Variants in XIRP2 observed in about 807,000 individuals in gnomAD.
XIRP2 encodes the protein xin actin binding repeat containing 2.
A neutral mutation model predicts 277.0 loss-of-function variants in XIRP2; 236 were observed. The ratio of observed to expected loss-of-function variants is 0.85; its 90% CI spans 0.77 to 0.95. The LOEUF (loss-of-function observed/expected upper bound fraction) is 0.95. XIRP2 is among the 40% of genes least tolerant of loss of function. The pLI is 0.00. For missense variants in XIRP2, 4,640 were observed against 4,157.5 expected, an observed-to-expected ratio of 1.12 and a Z score of -3.19; for synonymous variants, 1,490 against 1,416.5, an observed-to-expected ratio of 1.05 and a Z score of -1.17.
intron 3 of XIRP2, among the ~76,000 whole-genome samples, chr2:167,160,175 T>A (rs1022875897): frequency 2.6e-5 from 4 of 152,102 alleles, no homozygotes; most frequent in East Asian, 1.9e-4. Flanking sequence ...TAAAAAAAAA[T>A]TTTAATGAGC....
intron 2 of XIRP2, among the ~76,000 whole-genome samples, chr2:167,004,640 G>A (rs191098921): frequency 2.6e-5 from 4 of 151,902 alleles, no homozygotes; most frequent in East Asian, 1.9e-4. Context: ...TTAGAGGACC[G>A]GAAGCTATTT....
chr2:167,166,441 C>A (rs1692522154), intron 3 of XIRP2, among the ~76,000 whole-genome samples: 2 of 152,178 alleles, frequency 1.3e-5, no homozygotes, highest in African/African-American at 4.8e-5. Context: ...GCTATTTTTG[C>A]ATAAAGTAGT....
intron 2 of XIRP2, among the ~76,000 whole-genome samples, chr2:167,130,514 C>A (rs1323024313): frequency 2.0e-5 from 3 of 152,110 alleles, no homozygotes; most frequent in Non-Finnish European, 4.4e-5. Flanking sequence ...CTACTCCCTA[C>A]AAACTAAAGC....
chr2:167,253,476 C>A (rs1279324601), intron 9 of XIRP2, among the ~76,000 whole-genome samples: 2 of 151,832 alleles, frequency 1.3e-5, no homozygotes, highest in African/African-American at 4.8e-5. Context: ...TGGTATCTTA[C>A]AGTCAACTCT....
At chr2:167,029,720 T>C (rs1424492190) in intron 2 of XIRP2, among the ~76,000 whole-genome samples, 2 of 152,154 alleles carry the variant, frequency 1.3e-5, no homozygotes, top group African/African-American at 4.8e-5. Context: ...GCTGGCCTCA[T>C]AAAATGAGTT....
intron 2 of XIRP2, among the ~76,000 whole-genome samples, chr2:166,917,539 A>G (rs956431003): frequency 2.6e-5 from 4 of 152,260 alleles, no homozygotes; most frequent in East Asian, 1.9e-4. Flanking sequence ...ACATATTTGC[A>G]TGGCCTTTAA....
chr2:167,065,113 C>A (rs1689269751), intron 2 of XIRP2, among the ~76,000 whole-genome samples: 2 of 152,076 alleles, frequency 1.3e-5, no homozygotes, highest in Admixed American at 1.3e-4. Context: ...TTCTACACTT[C>A]TACCAACACT....
chr2:167,005,334 A>G (rs746406003), intron 2 of XIRP2, among the ~76,000 whole-genome samples: 1 of 151,870 alleles, frequency 6.6e-6, no homozygotes, highest in Non-Finnish European at 1.5e-5. Flanking sequence ...TTTGTTTGCC[A>G]ATGAAGTCAC....
intron 5 of XIRP2, among the ~76,000 whole-genome samples, chr2:167,233,354 T>TA (rs780031897): frequency 1.3e-4 from 20 of 151,950 alleles, no homozygotes; most frequent in Non-Finnish European, 2.2e-4. Context: ...TGAAGCAACT[T>TA]AAACAGGAGA....
intron 2 of XIRP2, among the ~76,000 whole-genome samples, chr2:167,074,072 T>C (rs1689502074): frequency 6.6e-6 from 1 of 152,138 alleles, no homozygotes; most frequent in African/African-American, 2.4e-5. Context: ...TTAAGTAGTA[T>C]GGGAGAAAAA....
intron 2 of XIRP2, among the ~76,000 whole-genome samples, chr2:167,006,056 G>A (rs972041022): frequency 6.6e-5 from 10 of 151,618 alleles, no homozygotes; most frequent in African/African-American, 1.5e-4. Flanking sequence ...AAATTCATGC[G>A]GCTAGGTACT....
intron 5 of XIRP2, among the ~76,000 whole-genome samples, chr2:167,235,343 C>G (rs1037530787): frequency 1.3e-5 from 2 of 151,480 alleles, no homozygotes; most frequent in Non-Finnish European, 3.0e-5. Context: ...GATGACCAAC[C>G]AAAATGACAA....
At position 167,009,322 on chromosome 2, in the gene XIRP2, T is replaced by C. The variant is rs185646761; in HGVS notation, c.408+105432T>C. ...AGTGAGAATATGTGGTGTTTGGTTTTTTGTTCTTGGCGATATTTTGCTGAG... is the reference window on the plus strand; with the variant it reads ...AGTGAGAATATGTGGTGTTTGGTTTCTTGTTCTTGGCGATATTTTGCTGAG... On this transcript the variant is annotated intron_variant, in intron 2 of 10. Transcript: ENST00000409195. Among the ~76,000 whole-genome samples the C allele has an allele frequency of 6.5e-3, 988 of 151,290 alleles. 4 individuals carry two copies. The highest frequency in any genetic ancestry group is 0.014 in the Middle Eastern group (4 of 294).
chr2:166,903,880 A>T lies in XIRP2; in HGVS notation c.398A>T (p.Tyr133Phe), dbSNP rs1397276845. ...AAGAGTGGAAACAAACCAGCTGAGTACGGTGGAAAGGTAAGGAGCCATTGA... is the reference window on the plus strand; with the variant it reads ...AAGAGTGGAAACAAACCAGCTGAGTTCGGTGGAAAGGTAAGGAGCCATTGA... ...APKSGNKPAEYGGKEVEIERS... is the reference protein window; with the variant it reads ...APKSGNKPAEFGGKEVEIERS... The change falls in exon 2 of 11, where the codon TAC becomes TTC. Residue 133 changes from tyrosine to phenylalanine, a missense_variant. Tyr to Phe is a conservative substitution (Grantham distance 22, BLOSUM62 3). Coordinates refer to ENST00000409195, the MANE Select transcript of XIRP2 (RefSeq NM_152381.6). 4.3e-6 allele frequency: 7 copies of T among 1,612,572 alleles called. No individual in the cohort carries two copies. The highest frequency in any genetic ancestry group is 5.9e-6 in the Non-Finnish European group (7 of 1,178,928).
intron 2 of XIRP2, among the ~76,000 whole-genome samples, chr2:167,127,589 A>G (rs1258479494): frequency 6.6e-6 from 1 of 152,156 alleles, no homozygotes; most frequent in Non-Finnish European, 1.5e-5. Flanking sequence ...ATTGAGTCTT[A>G]CTGTTGAGAC....
In XIRP2 at chr2:167,007,187, A is replaced by G. The variant is rs532889205; in HGVS notation, c.408+103297A>G. On this transcript the variant is annotated intron_variant, in intron 2 of 10. Coordinates refer to ENST00000409195, the MANE Select transcript of XIRP2 (RefSeq NM_152381.6). Reference sequence around the variant, plus strand: ...GACTCATTTTTAAAACAAATTAAACATATCTGAAAACCACACTTGAGCCTG... The same window carrying G: ...GACTCATTTTTAAAACAAATTAAACGTATCTGAAAACCACACTTGAGCCTG... Among the ~76,000 whole-genome samples, 339 of 151,828 alleles carry G rather than the reference A, an allele frequency of 2.2e-3. 1 individual carries two copies. Among genetic ancestry groups the G allele is most frequent in the African/African-American group, 7.8e-3 (323 of 41,482 alleles).
At chr2:167,012,902 A>C (rs1055555237) in intron 2 of XIRP2, among the ~76,000 whole-genome samples, 2 of 151,320 alleles carry the variant, frequency 1.3e-5, no homozygotes, top group Non-Finnish European at 3.0e-5. Flanking sequence ...GCGTTTTGTT[A>C]TTTCCAGTTC....
chr2:167,248,473 T>C lies in XIRP2; in HGVS notation c.7081T>C (p.Ser2361Pro). The change falls in exon 9 of 11, where the codon TCG (serine) becomes CCG (proline). Residue 2361 changes from serine (S) to proline (P), a missense_variant. Coordinates refer to ENST00000409195, the MANE Select transcript of XIRP2 (RefSeq NM_152381.6). The stretch of plus-strand genomic sequence containing the variant: ...TGAGAAATCTGAAAGAGAAAGTTCA[T>C]CGATGTTTCTGCCGCCTCCTCCTCC... ...VDEKSERESS[S>P]MFLPPPPPPT... The C allele has an allele frequency of 1.2e-6, 2 of 1,613,628 alleles. No homozygotes were observed. Among genetic ancestry groups the C allele is most frequent in the Non-Finnish European group, 1.7e-6 (2 of 1,179,728 alleles).
intron 3 of XIRP2, among the ~76,000 whole-genome samples, chr2:167,209,580 G>A (rs1213160933): frequency 6.6e-6 from 1 of 152,030 alleles, no homozygotes; most frequent in Non-Finnish European, 1.5e-5. Flanking sequence ...AGCCCTAAGA[G>A]TGAAGGCAGG....
Sources: allele counts gnomAD v4.1 joint callset (sites outside exome capture counted in the v4.1 genomes callset), GRCh38; gene constraint gnomAD v4.1.1; transcripts MANE v1.5; gene names NCBI Gene and HGNC (gene_info 2026-07-23, HGNC 2026-07-21).